The following EFCAB5 variants were observed in gnomAD, a reference collection of about 807,000 sequenced individuals.
The protein encoded by EFCAB5 is EF-hand calcium-binding domain-containing protein 5.
In EFCAB5, 131 loss-of-function variants were observed where a neutral mutation model predicts 167.9. The ratio of observed to expected loss-of-function variants is 0.78; its 90% CI spans 0.68 to 0.90. EFCAB5 has a LOEUF of 0.90. EFCAB5 is among the 40% of genes least tolerant of loss of function. EFCAB5 has a pLI of 0.00. For missense variants in EFCAB5, 1,663 were observed against 1,745.2 expected (o/e 0.95, Z 0.84); for synonymous variants, 574 against 602.8 (o/e 0.95, Z 0.70).
intron 8 of EFCAB5, among the ~76,000 whole-genome samples, chr17:30,045,664 A>G (rs2069905034): frequency 1.3e-5 from 2 of 151,968 alleles, no homozygotes; most frequent in Middle Eastern, 3.4e-3. Flanking sequence ...AGTGGCTCAC[A>G]CTTGTGAGGG....
chr17:30,050,789 C>T (rs755176475), intron 8 of EFCAB5, among the ~76,000 whole-genome samples: 7 of 152,022 alleles, frequency 4.6e-5, no homozygotes, highest in Non-Finnish European at 8.8e-5. Flanking sequence ...AAGTAGGGAG[C>T]GGTAAATTGT....
intron 22 of EFCAB5, among the ~76,000 whole-genome samples, chr17:30,103,760 A>G (rs2071410031): frequency 6.6e-6 from 1 of 152,196 alleles, no homozygotes; most frequent in African/African-American, 2.4e-5. Context: ...CACACCTGTA[A>G]TCCCAGCACT....
intron 7 of EFCAB5, among the ~76,000 whole-genome samples, chr17:30,029,137 A>T (rs1440693029): frequency 6.6e-6 from 1 of 152,186 alleles, no homozygotes; most frequent in Non-Finnish European, 1.5e-5. Flanking sequence ...TGTTAAGCAA[A>T]GTTTTGAAAA....
chr17:30,073,134 C>G (rs1262543586), intron 14 of EFCAB5: 1 of 698,494 alleles, frequency 1.4e-6, no homozygotes. Context: ...TAGCTCACTG[C>G]AGCCTCCAAC....
chr17:29,977,092 A>ATTTTC (rs1314581642), intron 4 of EFCAB5, among the ~76,000 whole-genome samples: 1 of 151,688 alleles, frequency 6.6e-6, no homozygotes, highest in African/African-American at 2.4e-5. Context: ...TTTTCTTCAT[A>ATTTTC]TTTTCTTTTC....
At chr17:29,994,167 T>TATATATATATACAC (rs1411208091) in intron 5 of EFCAB5, among the ~76,000 whole-genome samples, 1 of 132,230 alleles carries the variant, frequency 7.6e-6, no homozygotes, top group Non-Finnish European at 1.6e-5. Context: ...TATATATATA[T>TATATATATATACAC]ATATATATAT....
At chr17:29,936,468 A>G (rs2067246459) in intron 1 of EFCAB5, among the ~76,000 whole-genome samples, 1 of 152,228 alleles carries the variant, frequency 6.6e-6, no homozygotes, top group Non-Finnish European at 1.5e-5. Context: ...TAATAAAAAA[A>G]GAAGCAATCG....
intron 4 of EFCAB5, among the ~76,000 whole-genome samples, chr17:29,988,840 C>T (rs1183885054): frequency 2.0e-5 from 3 of 152,122 alleles, no homozygotes; most frequent in Admixed American, 6.6e-5. Context: ...AGTCACTCTA[C>T]AAGATCTTGC....
intron 4 of EFCAB5, among the ~76,000 whole-genome samples, chr17:29,978,778 T>C (rs2068111115): frequency 6.6e-6 from 1 of 152,216 alleles, no homozygotes; most frequent in African/African-American, 2.4e-5. Flanking sequence ...ATTCCATTGA[T>C]TCATTTAAAA....
intron 5 of EFCAB5, 128 bp from the exon 6 acceptor site, chr17:29,996,184 T>C: frequency 1.5e-6 from 1 of 685,246 alleles, no homozygotes; most frequent in Non-Finnish European, 2.4e-6. Flanking sequence ...TTTCTGTCCT[T>C]GGGTTGGAAA....
intron 3 of EFCAB5, among the ~76,000 whole-genome samples, chr17:29,946,684 C>T (rs1373900246): frequency 2.0e-5 from 3 of 151,952 alleles, no homozygotes; most frequent in Non-Finnish European, 2.9e-5. Flanking sequence ...GTGATCCACC[C>T]GCCTTGGCCT....
At chr17:29,999,459 T>A (rs1476398705) in intron 6 of EFCAB5, among the ~76,000 whole-genome samples, 1 of 152,150 alleles carries the variant, frequency 6.6e-6, no homozygotes, top group Non-Finnish European at 1.5e-5. Context: ...GTTTTGTTGC[T>A]TATATTTTTG....
intron 4 of EFCAB5, among the ~76,000 whole-genome samples, chr17:29,991,295 G>A (rs1291688951): frequency 6.6e-6 from 1 of 152,170 alleles, no homozygotes; most frequent in African/African-American, 2.4e-5. Flanking sequence ...CTAACCCAGT[G>A]GCACTAGAGG....
rs73987682 is a variant in EFCAB5 at position 30,090,824 on chromosome 17, C to T, written c.3937+150C>T. On this transcript the variant is annotated intron_variant, in intron 20 of 22. Coordinates refer to ENST00000394835, the MANE Select transcript of EFCAB5 (RefSeq NM_198529.4). ...AAAGGAATTCCCTTATGCAGTCTTG[C>T]GCTGACGAGTAATGTCTACAAATTA... is the stretch of plus-strand genomic sequence containing the variant. 5.1e-4 allele frequency: 568 copies of T among 1,116,068 alleles called. 7 individuals are homozygous for T. In the African/African-American group the frequency reaches 8.2e-3, roughly 16 times the overall value. 69.1% of individuals were successfully genotyped at this position (1,116,068 alleles called of 1,614,324 possible).
Position 29,943,609 on chromosome 17 carries a change from C to G in EFCAB5, c.150C>G (p.Asn50Lys). The G allele has an allele frequency of 6.3e-7, 1 of 1,586,234 alleles. No homozygotes were observed. Residue 50 changes from asparagine to lysine, a missense_variant, in exon 3 of 23, where the codon AAC becomes AAG. Physicochemically the swap from Asn to Lys is moderately conservative, Grantham distance 94. Transcript: ENST00000394835. The part of the protein sequence containing the change: ...VPDVPVKEDT[N>K]SVVEKAMDEI... ...ACGTTCCTGTAAAAGAGGACACCAA[C>G]AGTGTGGTGGAGAAAGCAATGGATG...
At chr17:30,039,092 C>T (rs2069700216) in intron 8 of EFCAB5, among the ~76,000 whole-genome samples, 2 of 152,276 alleles carry the variant, frequency 1.3e-5, no homozygotes, top group African/African-American at 2.4e-5. Context: ...CCGCAGGAGC[C>T]GTCTTTTAGC....
chr17:30,065,143 A>G (rs1313827045), intron 14 of EFCAB5, among the ~76,000 whole-genome samples: 1 of 152,222 alleles, frequency 6.6e-6, no homozygotes, highest in Non-Finnish European at 1.5e-5. Context: ...TCACTGGTAG[A>G]GCAGATACAC....
At chr17:30,005,913 T>TC (rs1268155387) in intron 7 of EFCAB5, among the ~76,000 whole-genome samples, 2 of 152,346 alleles carry the variant, frequency 1.3e-5, no homozygotes, top group East Asian at 3.9e-4. Flanking sequence ...TTCTGCTGAC[T>TC]CCAAGTTTTA....
intron 8 of EFCAB5, among the ~76,000 whole-genome samples, chr17:30,043,095 C>CTGG (rs1354326225): frequency 2.0e-5 from 3 of 152,038 alleles, no homozygotes; most frequent in Non-Finnish European, 2.9e-5. Context: ...GCCTGGGAAA[C>CTGG]ATAGCAAGAC....
Sources: gnomAD v4.1 joint callset for allele counts (sites outside exome capture counted in the v4.1 genomes callset) on GRCh38, gnomAD v4.1.1 for gene constraint, MANE v1.5 for transcripts, NCBI Gene and HGNC (gene_info 2026-07-23, HGNC 2026-07-21) for gene names.